EPHA3: variants seen among roughly 807,000 people sequenced by gnomAD.
The protein encoded by EPHA3 is EPH receptor A3, also known as ephrin type-A receptor 3.
EPHA3 carries 42 observed loss-of-function variants against 107.1 expected under a neutral mutation model. The observed-to-expected ratio is 0.39, with a 90% CI of 0.31 to 0.51. The LOEUF (loss-of-function observed/expected upper bound fraction) is 0.51, where lower values mean the gene tolerates loss of function less well. Among genes scored for constraint, EPHA3 ranks in the 20% least tolerant of loss-of-function variants. The pLI is 0.78. For synonymous variants in EPHA3, 461 were observed against 424.8 expected (o/e 1.09, Z -1.05); for missense variants, 1,183 against 1,211.2 (o/e 0.98, Z 0.35).
At chr3:89,115,784 C>T (rs1202281035) in intron 1 of EPHA3, among the ~76,000 whole-genome samples, 3 of 152,070 alleles carry the variant, frequency 2.0e-5, no homozygotes, top group Non-Finnish European at 2.9e-5. Context: ...CATAATAAAG[C>T]GGTAACTAAG....
At chr3:89,321,277 T>C (rs1036551875) in intron 3 of EPHA3, among the ~76,000 whole-genome samples, 18 of 152,030 alleles carry the variant, frequency 1.2e-4, no homozygotes, top group African/African-American at 4.1e-4. Flanking sequence ...CTGGGACTAG[T>C]TCTTAATGTA....
Position 89,431,153 on chromosome 3 carries a change from C to G in EPHA3, c.2140C>G (p.His714Asp). The G allele has an allele frequency of 6.2e-7, 1 of 1,612,928 alleles. No homozygotes were observed. The highest frequency in any genetic ancestry group is 8.5e-7 in the Non-Finnish European group (1 of 1,179,602). ...GTACATTTGAAATGCTTCCCAGAAACACGATGCCCAGTTTACTGTCATTCA... is the reference window on the plus strand; with the variant it reads ...GTACATTTGAAATGCTTCCCAGAAAGACGATGCCCAGTTTACTGTCATTCA... Reference protein sequence around the residue: ...NGSLDSFLRKHDAQFTVIQLV... With the variant: ...NGSLDSFLRKDDAQFTVIQLV... The change falls in exon 13 of 17, where the codon CAC becomes GAC. Residue 714 changes from histidine to aspartate, a missense_variant. Coordinates refer to ENST00000336596, the MANE Select transcript of EPHA3 (RefSeq NM_005233.6).
At chr3:89,444,266 A>T (rs1709837879) in intron 13 of EPHA3, among the ~76,000 whole-genome samples, 1 of 152,196 alleles carries the variant, frequency 6.6e-6, no homozygotes, top group African/African-American at 2.4e-5. Context: ...AGTGTAGAAC[A>T]TAAAGAGTTT....
intron 3 of EPHA3, among the ~76,000 whole-genome samples, chr3:89,255,070 A>T (rs778819058): frequency 1.1e-4 from 16 of 152,234 alleles, no homozygotes; most frequent in Non-Finnish European, 1.9e-4. Context: ...CCTTTCATAA[A>T]AAAAGTTTAT....
intron 3 of EPHA3, among the ~76,000 whole-genome samples, chr3:89,242,759 A>AT (rs1210588703): frequency 1.3e-5 from 2 of 151,184 alleles, no homozygotes; most frequent in Non-Finnish European, 3.0e-5. Context: ...TCTTTCTTTT[A>AT]TTTTTTTATT....
chr3:89,331,258 T>C lies in EPHA3; in HGVS notation c.815-9658T>C, dbSNP rs141030224. On this transcript the variant is annotated intron_variant, in intron 3 of 16. Transcript: ENST00000336596. ...GCAATAATTTTACTTCTAAGAACCT[T>C]TTCGTTTTTAAGTTTATGAAATAAG... Among the ~76,000 whole-genome samples, 594 of 152,268 alleles carry C rather than the reference T, an allele frequency of 3.9e-3. 6 individuals carry two copies. The highest frequency in any genetic ancestry group is 0.013 in the African/African-American group (554 of 41,568).
At chr3:89,456,804 G>A (rs2107561839) in intron 15 of EPHA3, among the ~76,000 whole-genome samples, 1 of 152,282 alleles carries the variant, frequency 6.6e-6, no homozygotes, top group Non-Finnish European at 1.5e-5. Context: ...CAGAGGAGAT[G>A]TGAGGGTTTT....
At chr3:89,159,656 T>C (rs1040798883) in intron 2 of EPHA3, among the ~76,000 whole-genome samples, 1 of 152,154 alleles carries the variant, frequency 6.6e-6, no homozygotes, top group Non-Finnish European at 1.5e-5. Context: ...ATTGTGTATC[T>C]AAATATAGGA....
chr3:89,223,879 A>G (rs1458317786), intron 3 of EPHA3, among the ~76,000 whole-genome samples: 1 of 152,166 alleles, frequency 6.6e-6, no homozygotes, highest in African/African-American at 2.4e-5. Flanking sequence ...GAATTTTTTA[A>G]GTTAAAAAAT....
At chr3:89,152,587 C>A (rs2107047621) in intron 2 of EPHA3, among the ~76,000 whole-genome samples, 1 of 152,138 alleles carries the variant, frequency 6.6e-6, no homozygotes, top group South Asian at 2.1e-4. Flanking sequence ...CATCATTATT[C>A]TTTCACTTAT....
chr3:89,281,701 A>G (rs1213871460), intron 3 of EPHA3, among the ~76,000 whole-genome samples: 1 of 152,194 alleles, frequency 6.6e-6, no homozygotes, highest in Non-Finnish European at 1.5e-5. Flanking sequence ...GTTCTATAGT[A>G]CATGGGCTTC....
intron 2 of EPHA3, among the ~76,000 whole-genome samples, chr3:89,129,601 TG>T (rs1248924115): frequency 1.7e-4 from 23 of 132,264 alleles, no homozygotes; most frequent in East Asian, 4.1e-4. Context: ...AACATTAGAT[TG>T]TTTTTTTTTT....
chr3:89,422,155 T>C (rs1709363734), intron 11 of EPHA3, among the ~76,000 whole-genome samples: 1 of 149,540 alleles, frequency 6.7e-6, no homozygotes, highest in South Asian at 2.1e-4. Flanking sequence ...TGAGAGGAAA[T>C]AGAAACTCCT....
chr3:89,299,131 G>A (rs1706427032), intron 3 of EPHA3, among the ~76,000 whole-genome samples: 1 of 151,994 alleles, frequency 6.6e-6, no homozygotes, highest in African/African-American at 2.4e-5. Context: ...TTATATAAAG[G>A]CAATAGTAAA....
rs1401615486 is a variant in EPHA3, at chr3:89,208,493, AGGAG to A, written c.154-1355_154-1352del. Among the ~76,000 whole-genome samples, 19 of 148,976 alleles carry A rather than the reference AGGAG, an allele frequency of 1.3e-4. No individual in the cohort carries two copies. The South Asian group carries it at 1.7e-3, about 14-fold the overall frequency. Reference sequence around the variant, plus strand: ...AAGAAAGAAAGAAAGAGAAAAAGAAAGGAGGGAGGGAGGGAAGAAAGGAAGGAAG... The same window carrying A: ...AAGAAAGAAAGAAAGAGAAAAAGAAAGGAGGGAGGGAAGAAAGGAAGGAAG... On this transcript the variant is annotated intron_variant, in intron 2 of 16. Coordinates refer to ENST00000336596, the MANE Select transcript of EPHA3 (RefSeq NM_005233.6).
chr3:89,139,761 C>T (rs1054491561), intron 2 of EPHA3, among the ~76,000 whole-genome samples: 5 of 151,802 alleles, frequency 3.3e-5, no homozygotes, highest in South Asian at 4.2e-4. Context: ...ACGTCATTAC[C>T]TTCTGGGTCT....
intron 2 of EPHA3, among the ~76,000 whole-genome samples, chr3:89,182,516 T>C (rs981984967): frequency 3.9e-5 from 6 of 151,950 alleles, no homozygotes; most frequent in East Asian, 3.8e-4. Flanking sequence ...CTATTCACTT[T>C]AGTGGAGAAT....
At chr3:89,472,251 T>C (rs1189056242) in intron 15 of EPHA3, among the ~76,000 whole-genome samples, 6 of 152,184 alleles carry the variant, frequency 3.9e-5, no homozygotes, top group Admixed American at 3.9e-4. Flanking sequence ...CATTTGTGGA[T>C]GGAGAAGGGG....
chr3:89,222,316 A>T (rs1325973523), intron 3 of EPHA3, among the ~76,000 whole-genome samples: 7 of 96,432 alleles, frequency 7.3e-5, no homozygotes, highest in East Asian at 2.9e-4. Flanking sequence ...AAAGCTCATA[A>T]ATACATATAC....
Sources: allele counts gnomAD v4.1 joint callset (sites outside exome capture counted in the v4.1 genomes callset), GRCh38; gene constraint gnomAD v4.1.1; transcripts MANE v1.5; gene names NCBI Gene and HGNC (gene_info 2026-07-23, HGNC 2026-07-21).